Variants in CRELD1 observed in about 807,000 individuals in gnomAD.
CRELD1 encodes the protein protein disulfide isomerase CRELD1.
Under a neutral mutation model 58.2 loss-of-function variants are expected in CRELD1, and 42 were observed. That is an observed-to-expected ratio of 0.72 (90% confidence interval 0.56 to 0.93). The LOEUF is 0.93. Among genes scored for constraint, CRELD1 ranks in the 40% least tolerant of loss-of-function variants. The pLI is 0.00. For missense variants in CRELD1, 500 were observed against 540.6 expected (o/e 0.92, Z 0.74); for synonymous variants, 222 against 202.0 (o/e 1.10, Z -0.84).
In CRELD1 at chr3:9,938,589, G is replaced by T. The variant is rs181027850; in HGVS notation, c.460+483G>T. 3.8e-3 allele frequency: 637 copies of T among 168,652 alleles called. 16 individuals carry two copies. The South Asian group carries it at 0.04, about 11-fold the overall frequency. 10.4% of individuals were successfully genotyped at this position (168,652 alleles called of 1,614,324 possible). A position where few individuals can be genotyped will look rare whatever the true frequency, so the allele number is the denominator to read the frequency against. On this transcript the variant is annotated intron_variant, in intron 5 of 10. Coordinates refer to ENST00000452070, the MANE Select transcript of CRELD1 (RefSeq NM_001077415.3). ...TAAAAGAAAATATTGGCTGGGCGCG[G>T]TGGCTCACACCTGTAATCCCAACAC...
chr3:9,941,206 G>C lies in CRELD1; in HGVS notation c.733G>C (p.Asp245His). The change falls in exon 7 of 11, where the codon GAC (aspartate) becomes CAC (histidine). Residue 245 changes from aspartate (D) to histidine (H), a missense_variant and splice_region_variant. Transcript: ENST00000452070. ...GGCCCTGCATCACCTCAAGTGTGTA[G>C]GTAAGTGGGGCCCTAGCTAGGTCTG... is the stretch of plus-strand genomic sequence containing the variant. ...GWALHHLKCVDIDECGTEGAN... is the reference protein window; with the variant it reads ...GWALHHLKCVHIDECGTEGAN... The C allele has an allele frequency of 6.2e-7, 1 of 1,612,220 alleles. No individual in the cohort carries two copies. Among genetic ancestry groups the C allele is most frequent in the South Asian group, 1.1e-5 (1 of 91,002 alleles).
chr3:9,938,386 G>A (rs368204757), intron 5 of CRELD1: 6 of 434,076 alleles, frequency 1.4e-5, no homozygotes, highest in African/African-American at 6.0e-5. Flanking sequence ...ATGCCAGATC[G>A]GACTATGGTA....
chr3:9,934,329 C>A, intron 1 of CRELD1, 91 bp from the exon 2 acceptor site: 3 of 1,038,934 alleles, frequency 2.9e-6, no homozygotes, highest in Non-Finnish European at 1.5e-6. Context: ...AACGCAGATC[C>A]CAGCGCCACG....
rs773823145 is a variant in CRELD1 at position 9,940,983 on chromosome 3, C to T, written c.594C>T (p.Gly198=). 6.2e-7 allele frequency: 1 copy of T among 1,614,104 alleles called. No individual in the cohort carries two copies. The change falls in exon 6 of 11, where the codon GGC becomes GGT. Residue 198 remains glycine (G), a synonymous_variant. Transcript: ENST00000452070. ...AGGCCTGTGGCCAGTGTGGCCTTGG[C>T]TACTTTGAGGCAGAACGCAACGCCA... is the stretch of plus-strand genomic sequence containing the variant. ...GGEACGQCGL[G]YFEAERNASH... is the part of the protein sequence containing the mutation.
At chr3:9,944,085 G>A (rs2085451085) in intron 10 of CRELD1, 1 of 794,642 alleles carries the variant, frequency 1.3e-6, no homozygotes, top group African/African-American at 1.7e-5. Context: ...CGTGGAACGA[G>A]ACTCATACAC....
chr3:9,934,471 A>G lies in CRELD1; in HGVS notation c.33A>G (p.Pro11=), dbSNP rs760082913. ...CATGGCCCCCGAAGGGCCTAGTCCC[A>G]GCTATGCTCTGGGGCCTCAGCCTCT... The part of the protein sequence containing the change: MAPWPPKGLV[P]AMLWGLSLFL... Residue 11 remains proline (P), a synonymous_variant, in exon 2 of 11, where the codon CCA becomes CCG. Transcript: ENST00000452070. The G allele has an allele frequency of 1.7e-5, 28 of 1,613,818 alleles. No homozygotes were observed. Among genetic ancestry groups the G allele is most frequent in the Non-Finnish European group, 2.2e-5 (26 of 1,179,974 alleles).
At chr3:9,939,392 C>T (rs535643083) in intron 5 of CRELD1, among the ~76,000 whole-genome samples, 1 of 152,084 alleles carries the variant, frequency 6.6e-6, no homozygotes, top group Admixed American at 6.5e-5. Context: ...GGGGATTTGG[C>T]AGGGTCATAG....
rs2085244431 is a variant in CRELD1 at position 9,938,033 on chromosome 3, C to A, written c.387C>A (p.Asp129Glu). ...WWFHKQQEAP[D>E]LFQWLCSDSL... ...GCCTCAGGCAGCAGGAGGCCCCGGACCTCTTCCAGTGGCTGTGCTCAGATT... is the reference window on the plus strand; with the variant it reads ...GCCTCAGGCAGCAGGAGGCCCCGGAACTCTTCCAGTGGCTGTGCTCAGATT... Residue 129 changes from aspartate to glutamate, a missense_variant, in exon 5 of 11, where the codon GAC becomes GAA. By Grantham distance (45) the Asp-to-Glu change is conservative. Transcript: ENST00000452070. 5 of 1,613,788 alleles carry A rather than the reference C, an allele frequency of 3.1e-6. No individual in the cohort carries two copies. Among genetic ancestry groups the A allele is most frequent in the Non-Finnish European group, 4.2e-6 (5 of 1,179,992 alleles).
At chr3:9,942,770 C>T (rs1231615470) in intron 7 of CRELD1, 43 bp from the exon 8 acceptor site, 1 of 1,486,482 alleles carries the variant, frequency 6.7e-7, no homozygotes, top group South Asian at 1.1e-5. Flanking sequence ...AGCTTCCCTA[C>T]TAAATAGGGA....
Position 9,939,827 on chromosome 3 carries a change from C to T in CRELD1, c.461-1023C>T, listed in dbSNP as rs868183612. Reference sequence around the variant, plus strand: ...CAAAACCGCCATTGTCATCCTGGCCCGTTCTCAATGAGCTGTTGGGTACAC... The same window carrying T: ...CAAAACCGCCATTGTCATCCTGGCCTGTTCTCAATGAGCTGTTGGGTACAC... On this transcript the variant is annotated intron_variant, in intron 5 of 10. Coordinates refer to ENST00000452070, the MANE Select transcript of CRELD1 (RefSeq NM_001077415.3). Among the ~76,000 whole-genome samples, 23 of 152,312 alleles carry T rather than the reference C, an allele frequency of 1.5e-4. 1 individual carries two copies. Among genetic ancestry groups the T allele is most frequent in the Middle Eastern group, 6.8e-3 (2 of 292 alleles).
chr3:9,942,939 G>A (rs778800612), intron 8 of CRELD1, 43 bp downstream of exon 8: 1 of 1,567,038 alleles, frequency 6.4e-7, no homozygotes, highest in South Asian at 1.1e-5. Context: ...GAGGAGTGGA[G>A]GAAGAGCTGC....
At chr3:9,934,276 C>T (rs1329275244) in intron 1 of CRELD1, 144 bp from the exon 2 acceptor site, 3 of 666,786 alleles carry the variant, frequency 4.5e-6, no homozygotes, top group East Asian at 2.6e-5. Flanking sequence ...CACCCATCCC[C>T]ACAGCCCCTG....
At chr3:9,937,711 G>C (rs2085235082) in intron 4 of CRELD1, 39 bp downstream of exon 4, 2 of 1,387,874 alleles carry the variant, frequency 1.4e-6, no homozygotes, top group African/African-American at 1.4e-5. Flanking sequence ...TGGGTCACAG[G>C]TGAGGCCTGG....
At chr3:9,933,971 A>C (rs2085078517) in intron 1 of CRELD1, 51 bp downstream of exon 1, 1 of 327,840 alleles carries the variant, frequency 3.1e-6, no homozygotes, top group East Asian at 7.3e-5. Context: ...CCCTTCTGCG[A>C]GGCCCTGAAT....
At chr3:9,941,989 G>T (rs532644048) in intron 7 of CRELD1, among the ~76,000 whole-genome samples, 2 of 152,030 alleles carry the variant, frequency 1.3e-5, no homozygotes, top group South Asian at 4.2e-4. Flanking sequence ...GGTTGGCTGG[G>T]TGTGGTAGCT....
Position 9,940,953 on chromosome 3 carries a change from G to A in CRELD1, c.564G>A (p.Gly188=), listed in dbSNP as rs1444336250. Residue 188 remains glycine, a synonymous_variant, in exon 6 of 11, where the codon GGG becomes GGA. Coordinates refer to ENST00000452070, the MANE Select transcript of CRELD1 (RefSeq NM_001077415.3). ...ACTGTGACTGCCAAGCCGGCTACGG[G>A]GGTGAGGCCTGTGGCCAGTGTGGCC... ...SGHCDCQAGY[G]GEACGQCGLG... 6.2e-7 allele frequency: 1 copy of A among 1,614,180 alleles called. No homozygotes were observed. The highest frequency in any genetic ancestry group is 2.2e-5 in the East Asian group (1 of 44,870).
chr3:9,943,053 C>A (rs199785910), intron 8 of CRELD1, 24 bp from the exon 9 acceptor site: 1 of 1,609,006 alleles, frequency 6.2e-7, no homozygotes, highest in Non-Finnish European at 8.5e-7. Context: ...ACATCTCACC[C>A]TCATCTTTCT....
intron 10 of CRELD1, chr3:9,943,749 T>A: frequency 1.0e-6 from 1 of 985,426 alleles, no homozygotes; most frequent in Non-Finnish European, 1.2e-6. Flanking sequence ...TCTGCCTCCT[T>A]AACCTGTTTC....
rs375937769 is a variant in CRELD1 at position 9,934,489 on chromosome 3, C to T, written c.51C>T (p.Leu17=). The change falls in exon 2 of 11, where the codon CTC becomes CTT. Residue 17 remains leucine, a synonymous_variant. Transcript: ENST00000452070. Reference sequence around the variant, plus strand: ...TAGTCCCAGCTATGCTCTGGGGCCTCAGCCTCTTCCTCAACCTCCCAGGAC... The same window carrying T: ...TAGTCCCAGCTATGCTCTGGGGCCTTAGCCTCTTCCTCAACCTCCCAGGAC... ...KGLVPAMLWG[L]SLFLNLPGPI... 9.3e-6 allele frequency: 15 copies of T among 1,613,680 alleles called. No homozygotes were observed. The highest frequency in any genetic ancestry group is 6.7e-5 in the Admixed American group (4 of 59,994).
Sources: allele counts gnomAD v4.1 joint callset (sites outside exome capture counted in the v4.1 genomes callset), GRCh38; gene constraint gnomAD v4.1.1; transcripts MANE v1.5; gene names NCBI Gene and HGNC (gene_info 2026-07-23, HGNC 2026-07-21).